Variants in ARHGAP40 observed in about 807,000 individuals in gnomAD.
ARHGAP40 encodes Rho GTPase activating protein 40, also known as rho GTPase-activating protein 40.
In ARHGAP40, 43 loss-of-function variants were observed where a neutral mutation model predicts 73.5. The ratio of observed to expected loss-of-function variants is 0.58; its 90% CI spans 0.46 to 0.75. The LOEUF is 0.75. Among genes scored for constraint, ARHGAP40 ranks in the 30% least tolerant of loss-of-function variants. The probability of loss-of-function intolerance (pLI) is 0.00; values close to 1 mark genes in which losing one functional copy is unlikely to be tolerated. For missense variants in ARHGAP40, 734 were observed against 861.8 expected, an observed-to-expected ratio of 0.85 and a Z score of 1.86; for synonymous variants, 300 against 352.8, an observed-to-expected ratio of 0.85 and a Z score of 1.68.
intron 1 of ARHGAP40, chr20:38,615,352 TG>T: frequency 2.6e-6 from 2 of 764,168 alleles, no homozygotes; most frequent in Non-Finnish European, 4.9e-6. Flanking sequence ...GTACTTCCAC[TG>T]GTAAACCAGG....
At chr20:38,606,677 C>A (rs1271183935) in intron 1 of ARHGAP40, among the ~76,000 whole-genome samples, 1 of 152,134 alleles carries the variant, frequency 6.6e-6, no homozygotes, top group Non-Finnish European at 1.5e-5. Context: ...TTTCCTTAAT[C>A]AATAATGGGT....
intron 9 of ARHGAP40, among the ~76,000 whole-genome samples, 175 bp from the exon 10 acceptor site, chr20:38,641,551 T>C (rs1396649983): frequency 6.6e-6 from 1 of 152,180 alleles, no homozygotes; most frequent in Admixed American, 6.5e-5. Context: ...CGAGCACTGG[T>C]CAGGGCTCTG....
chr20:38,627,630 TTGGG>T (rs1568607759), intron 3 of ARHGAP40, among the ~76,000 whole-genome samples: 263 of 128,010 alleles, frequency 2.1e-3, no homozygotes, highest in African/African-American at 6.7e-3. Context: ...TGTGTGTGTG[TTGGG>T]GTGTGTGTGG....
chr20:38,610,581 A>G (rs2088798488), intron 1 of ARHGAP40, among the ~76,000 whole-genome samples: 1 of 152,228 alleles, frequency 6.6e-6, no homozygotes, highest in South Asian at 2.1e-4. Flanking sequence ...CTCAAAGCAT[A>G]GAAGCTGTAT....
At chr20:38,630,045 C>T (rs2088927566) in intron 5 of ARHGAP40, among the ~76,000 whole-genome samples, 2 of 150,768 alleles carry the variant, frequency 1.3e-5, no homozygotes, top group South Asian at 2.1e-4. Flanking sequence ...CCCTTCCCTC[C>T]TCCTCCTCCT....
At chr20:38,602,354 T>A (rs2088740234) in intron 1 of ARHGAP40, among the ~76,000 whole-genome samples, 1 of 152,048 alleles carries the variant, frequency 6.6e-6, no homozygotes, top group Non-Finnish European at 1.5e-5. Context: ...ATTTTCAGAT[T>A]CTTAGAGACC....
chr20:38,634,751 G>T (rs1333697643), exon 6 of ARHGAP40: 1 of 1,302,062 alleles, frequency 7.7e-7, no homozygotes, highest in African/African-American at 1.5e-5. Context: ...GCTTGGACCT[G>T]AAGAGGAGCA....
Position 38,622,652 on chromosome 20 carries a change from G to A in ARHGAP40, c.138-707G>A, listed in dbSNP as rs551935675. 7.4e-4 allele frequency among the ~76,000 whole-genome samples: 112 copies of A among 152,240 alleles called. 1 individual carries two copies. Among genetic ancestry groups the A allele is most frequent in the Middle Eastern group, 3.4e-3 (1 of 294 alleles). Reference sequence around the variant, plus strand: ...GCCTGGATCATGAAAGGCTGCAACTGGGACCTGGAAAATCAAGCTTAGGTT... The same window carrying A: ...GCCTGGATCATGAAAGGCTGCAACTAGGACCTGGAAAATCAAGCTTAGGTT... On this transcript the variant is annotated intron_variant, in intron 1 of 14. Coordinates refer to ENST00000373345, the Ensembl canonical transcript of ARHGAP40.
At chr20:38,634,284 C>T (rs763614644) in intron 5 of ARHGAP40, among the ~76,000 whole-genome samples, 1 of 152,212 alleles carries the variant, frequency 6.6e-6, no homozygotes, top group East Asian at 1.9e-4. Flanking sequence ...CCCAGGAGGT[C>T]GGGGCTGCAG....
chr20:38,646,282 C>T lies in ARHGAP40; in HGVS notation c.1710+95C>T. Reference sequence around the variant, plus strand: ...TTCCCTTCCTCCAGGTCCCCGCTACCGGGCTGCCAGCAACGGCCCAGTGAG... The same window carrying T: ...TTCCCTTCCTCCAGGTCCCCGCTACTGGGCTGCCAGCAACGGCCCAGTGAG... On this transcript the variant is annotated intron_variant, in intron 12 of 14. Transcript: ENST00000373345. This position sits in a 1 kb window ranked among gnomAD's most constrained non-coding sequence, Gnocchi z 4.5. The T allele has an allele frequency of 8.5e-7, 1 of 1,175,902 alleles. No individual in the cohort carries two copies. The highest frequency in any genetic ancestry group is 1.1e-6 in the Non-Finnish European group (1 of 925,288). 72.8% of individuals were successfully genotyped at this position (1,175,902 alleles called of 1,614,324 possible).
exon 6 of ARHGAP40, chr20:38,634,696 C>A (rs1311888051): frequency 7.7e-7 from 1 of 1,305,384 alleles, no homozygotes; most frequent in Non-Finnish European, 1.0e-6. Context: ...AGGAAGGTAC[C>A]TTCTCTGGCC....
chr20:38,618,638 A>G (rs569849291), intron 1 of ARHGAP40, among the ~76,000 whole-genome samples: 8 of 152,174 alleles, frequency 5.3e-5, no homozygotes, highest in Admixed American at 3.3e-4. Flanking sequence ...TTCTCCACTC[A>G]TGTGTCTGAC....
At position 38,641,879 on chromosome 20, in the gene ARHGAP40, C is replaced by CTCAT. The variant is rs548156307; in HGVS notation, c.1362+91_1362+94dup. The CTCAT allele has an allele frequency of 1.6e-3, 1,739 of 1,099,882 alleles. 3 individuals carry two copies. The highest frequency in any genetic ancestry group is 1.8e-3 in the Non-Finnish European group (1,547 of 843,450). 68.1% of individuals were successfully genotyped at this position (1,099,882 alleles called of 1,614,324 possible). ...AGCCACAGCCATGGCTTCAAATGTG[C>CTCAT]TCATTCATTCATTCATTCATTCAAC... On this transcript the variant is annotated intron_variant, in intron 10 of 14. Transcript: ENST00000373345.
intron 1 of ARHGAP40, among the ~76,000 whole-genome samples, chr20:38,615,770 G>C (rs1359118787): frequency 1.3e-5 from 2 of 152,150 alleles, no homozygotes; most frequent in East Asian, 3.9e-4. Context: ...AGAGCTGCTG[G>C]GGTTGTGCGA....
At chr20:38,630,109 T>G (rs1348127023) in intron 5 of ARHGAP40, among the ~76,000 whole-genome samples, 2 of 87,648 alleles carry the variant, frequency 2.3e-5, no homozygotes, top group African/African-American at 6.6e-5. Flanking sequence ...TTTGTTTTTC[T>G]TTTCTTTCTC....
intron 14 of ARHGAP40, 99 bp downstream of exon 14, chr20:38,648,797 C>T: frequency 1.1e-6 from 1 of 941,918 alleles, no homozygotes; most frequent in Middle Eastern, 3.2e-4. Context: ...CCAGAGTAGG[C>T]CTGCAGATGA....
chr20:38,629,037 C>A, intron 4 of ARHGAP40, 35 bp downstream of exon 4: 2 of 1,277,496 alleles, frequency 1.6e-6, no homozygotes, highest in South Asian at 1.3e-5. Context: ...CCCTGAGAAT[C>A]CTCCAGGCTG....
intron 11 of ARHGAP40, among the ~76,000 whole-genome samples, chr20:38,644,850 CCCAT>C (rs987468264): frequency 6.6e-6 from 1 of 151,696 alleles, no homozygotes; most frequent in Admixed American, 6.6e-5. Context: ...CAACTATCTA[CCCAT>C]CCATCCATCC....
chr20:38,649,894 T>G, exon 15 of ARHGAP40: 1 of 1,237,760 alleles, frequency 8.1e-7, no homozygotes, highest in Non-Finnish European at 1.1e-6. Context: ...TCCTCTCCCC[T>G]GCTGGCTCTG....
Sources: gnomAD v4.1 joint callset for allele counts (sites outside exome capture counted in the v4.1 genomes callset) on GRCh38, gnomAD v4.1.1 for gene constraint, Gnocchi (gnomAD v3.1) non-coding constraint, MANE v1.5 for transcripts, NCBI Gene and HGNC (gene_info 2026-07-23, HGNC 2026-07-21) for gene names.